STK3: variants seen among roughly 807,000 people sequenced by gnomAD.
STK3 encodes serine/threonine kinase 3.
Under a neutral mutation model 58.0 loss-of-function variants are expected in STK3, and 41 were observed. The observed-to-expected ratio is 0.71, with a 90% CI of 0.55 to 0.92. The LOEUF is 0.92. Among genes scored for constraint, STK3 ranks in the 40% least tolerant of loss-of-function variants. The pLI, the probability that STK3 is intolerant of heterozygous loss-of-function variation, is 0.00. For missense variants in STK3, 479 were observed against 602.7 expected, an observed-to-expected ratio of 0.79 and a Z score of 2.15; for synonymous variants, 170 against 191.0, an observed-to-expected ratio of 0.89 and a Z score of 0.91.
intron 4 of STK3, among the ~76,000 whole-genome samples, chr8:98,742,271 A>T (rs1383928644): frequency 6.6e-6 from 1 of 151,670 alleles, no homozygotes; most frequent in Non-Finnish European, 1.5e-5. Flanking sequence ...GGGCAGAAAC[A>T]CAACCAAAAA....
intron 8 of STK3, among the ~76,000 whole-genome samples, chr8:98,562,663 A>G (rs746137062): frequency 1.4e-5 from 2 of 144,960 alleles, no homozygotes; most frequent in Non-Finnish European, 3.0e-5. Flanking sequence ...CTACTGAGGC[A>G]GGAGGATCCC....
chr8:98,369,841 T>A (rs1817594048), downstream of STK3, among the ~76,000 whole-genome samples: 1 of 152,138 alleles, frequency 6.6e-6, no homozygotes, highest in Non-Finnish European at 1.5e-5. Context: ...TAATGAGGTT[T>A]TCTAGGGAGA....
intron 4 of STK3, among the ~76,000 whole-genome samples, chr8:98,735,831 T>A (rs1416525689): frequency 1.3e-5 from 2 of 152,134 alleles, no homozygotes; most frequent in Non-Finnish European, 2.9e-5. Context: ...ACCCACAACT[T>A]AATTCTATGC....
chr8:98,709,168 GATAGAAA>G (rs1327534290), intron 4 of STK3, among the ~76,000 whole-genome samples: 1 of 152,094 alleles, frequency 6.6e-6, no homozygotes, highest in East Asian at 1.9e-4. Context: ...GGGATAATTT[GATAGAAA>G]ATAGGATAAC....
chr8:98,858,355 G>GAGAGAGAC (rs1564065958), intron 3 of STK3, among the ~76,000 whole-genome samples: 1 of 137,638 alleles, frequency 7.3e-6, no homozygotes, highest in East Asian at 2.2e-4. Flanking sequence ...GAGAGAGAGA[G>GAGAGAGAC]AGAGACAGAG....
chr8:98,671,816 T>G (rs1427155905), intron 6 of STK3, among the ~76,000 whole-genome samples: 1 of 152,180 alleles, frequency 6.6e-6, no homozygotes, highest in Non-Finnish European at 1.5e-5. Context: ...AAATCTTACC[T>G]TGAATTGTAA....
At chr8:98,914,414 A>C (rs1292102726) in intron 1 of STK3, among the ~76,000 whole-genome samples, 2 of 152,094 alleles carry the variant, frequency 1.3e-5, no homozygotes, top group Admixed American at 1.3e-4. Context: ...TCTTAAAACA[A>C]AAAAATGAAA....
At chr8:98,459,597 T>A (rs1379635209) in intron 10 of STK3, among the ~76,000 whole-genome samples, 3 of 152,204 alleles carry the variant, frequency 2.0e-5, no homozygotes, top group African/African-American at 4.8e-5. Flanking sequence ...GCAGCCCCAT[T>A]TCATCACAGG....
intron 1 of STK3, among the ~76,000 whole-genome samples, chr8:98,917,026 T>C (rs1284169317): frequency 1.3e-5 from 2 of 152,086 alleles, no homozygotes; most frequent in African/African-American, 4.8e-5. Context: ...AGGTTCTGAG[T>C]TGGGCATGAG....
chr8:98,399,370 AG>A (rs1445302103), downstream of STK3, among the ~76,000 whole-genome samples: 120 of 152,322 alleles, frequency 7.9e-4, 1 homozygote, highest in Non-Finnish European at 2.1e-4. Context: ...TGGGGTCTTG[AG>A]GGGGCTGCCT....
intron 1 of STK3, chr8:98,905,304 C>T: frequency 1.2e-6 from 1 of 848,442 alleles, no homozygotes; most frequent in South Asian, 1.3e-5. Flanking sequence ...GTCCTCTGAC[C>T]ACTCCATGTG....
intron 9 of STK3, among the ~76,000 whole-genome samples, chr8:98,540,807 G>T (rs1040023644): frequency 6.6e-6 from 1 of 152,148 alleles, no homozygotes; most frequent in Admixed American, 6.5e-5. Flanking sequence ...TGGGGGCGGT[G>T]GGGGGAAGCA....
chr8:98,809,685 G>T (rs1264824666), intron 1 of STK3, among the ~76,000 whole-genome samples: 1 of 152,116 alleles, frequency 6.6e-6, no homozygotes, highest in Non-Finnish European at 1.5e-5. Context: ...TTTTAAGGCT[G>T]AATAATATTC....
intron 3 of STK3, among the ~76,000 whole-genome samples, chr8:98,850,715 T>C (rs1233732647): frequency 1.3e-5 from 2 of 152,046 alleles, no homozygotes; most frequent in Non-Finnish European, 2.9e-5. Context: ...GTGCAGTGCG[T>C]GGTGGGCAGC....
chr8:98,735,189 G>A (rs898057197), intron 4 of STK3, among the ~76,000 whole-genome samples: 2 of 152,096 alleles, frequency 1.3e-5, no homozygotes, highest in Non-Finnish European at 2.9e-5. Flanking sequence ...AGGACAAGAA[G>A]CCAAAAAATT....
upstream of STK3, among the ~76,000 whole-genome samples, chr8:98,389,203 A>G (rs954193605): frequency 2.0e-5 from 3 of 152,012 alleles, no homozygotes; most frequent in African/African-American, 7.3e-5. Context: ...AGCCTGTTTC[A>G]CCTTCTCCAT....
intron 7 of STK3, among the ~76,000 whole-genome samples, chr8:98,588,424 G>C (rs1020705796): frequency 1.3e-5 from 2 of 150,762 alleles, no homozygotes; most frequent in African/African-American, 4.9e-5. Context: ...TTGAATATTG[G>C]CCCCCACTCT....
chr8:98,698,605 T>C (rs1418300436), intron 6 of STK3, among the ~76,000 whole-genome samples: 3 of 152,230 alleles, frequency 2.0e-5, no homozygotes. Flanking sequence ...AAGTATTTTA[T>C]TTCTCCTTCA....
At chr8:98,633,839 CA>C (rs1251711009) in intron 6 of STK3, 1 of 440,544 alleles carries the variant, frequency 2.3e-6, no homozygotes, top group Admixed American at 3.6e-5. Flanking sequence ...TTGAAGATCC[CA>C]AACTTGAAGT....
Sources: allele counts gnomAD v4.1 joint callset (sites outside exome capture counted in the v4.1 genomes callset), GRCh38; gene constraint gnomAD v4.1.1; transcripts MANE v1.5; gene names NCBI Gene and HGNC (gene_info 2026-07-23, HGNC 2026-07-21).